Variants in SPTBN1 observed in about 807,000 individuals in gnomAD.
The protein encoded by SPTBN1 is spectrin beta chain, non-erythrocytic 1.
In SPTBN1, 32 loss-of-function variants were observed where a neutral mutation model predicts 266.4. That is an observed-to-expected ratio of 0.12 (90% CI 0.09 to 0.16). SPTBN1 has a LOEUF of 0.16. Among genes scored for constraint, SPTBN1 ranks in the 10% least tolerant of loss-of-function variants. SPTBN1 has a pLI of 1.00. For synonymous variants in SPTBN1, 1,336 were observed against 1,162.2 expected, an observed-to-expected ratio of 1.15 and a Z score of -3.04; for missense variants, 2,296 against 3,067.1, an observed-to-expected ratio of 0.75 and a Z score of 5.94.
chr2:54,634,685 A>G (rs891555854), intron 17 of SPTBN1, among the ~76,000 whole-genome samples: 2 of 152,200 alleles, frequency 1.3e-5, no homozygotes, highest in African/African-American at 4.8e-5. Context: ...AAACCTTCAG[A>G]TATAATCCCC....
Position 54,668,524 on chromosome 2 carries a change from G to A in SPTBN1, c.7050G>A (p.Glu2350=). The stretch of plus-strand genomic sequence containing the variant: ...CCGGCAAGCGGGAAAAGGACAAAGA[G>A]AAAGACAAAGAGAAGCGGTTCAGCC... ...SSPGKREKDK[E]KDKEKRFSLF... Residue 2350 remains glutamate (E), a synonymous_variant, in exon 36 of 36, where the codon GAG becomes GAA. Transcript: ENST00000356805. The A allele has an allele frequency of 1.9e-6, 3 of 1,614,102 alleles. No homozygotes were observed. The highest frequency in any genetic ancestry group is 2.2e-5 in the South Asian group (2 of 91,068).
At chr2:54,521,340 G>A (rs571435511) in intron 1 of SPTBN1, among the ~76,000 whole-genome samples, 3 of 152,298 alleles carry the variant, frequency 2.0e-5, no homozygotes, top group South Asian at 4.1e-4. Flanking sequence ...AGCGAGGGAT[G>A]TTTTGCCGTG....
chr2:54,594,944 C>T (rs1417601994), intron 2 of SPTBN1, among the ~76,000 whole-genome samples: 1 of 147,758 alleles, frequency 6.8e-6, no homozygotes, highest in Non-Finnish European at 1.5e-5. Context: ...AAGTGATTCT[C>T]CTGCCTCAGC....
At chr2:54,608,750 T>G (rs1284156005) in intron 3 of SPTBN1, among the ~76,000 whole-genome samples, 1 of 150,730 alleles carries the variant, frequency 6.6e-6, no homozygotes, top group Admixed American at 6.6e-5. Flanking sequence ...AAGCAGGGGG[T>G]TTAGGGGCAC....
chr2:54,615,257 G>C (rs552483335), intron 4 of SPTBN1, among the ~76,000 whole-genome samples: 1 of 152,174 alleles, frequency 6.6e-6, no homozygotes, highest in South Asian at 2.1e-4. Flanking sequence ...AAAGAATTCT[G>C]GGAAGTGTTT....
chr2:54,614,325 A>G (rs1001699142), intron 4 of SPTBN1, among the ~76,000 whole-genome samples: 1 of 152,174 alleles, frequency 6.6e-6, no homozygotes, highest in African/African-American at 2.4e-5. Flanking sequence ...CTGTGTACCT[A>G]CAACGGTCTC....
chr2:54,654,657 A>G (rs1016968226), intron 27 of SPTBN1, among the ~76,000 whole-genome samples: 2 of 152,148 alleles, frequency 1.3e-5, no homozygotes, highest in Non-Finnish European at 2.9e-5. Flanking sequence ...TGATATGGCC[A>G]TCCTGAATCT....
At chr2:54,598,337 G>T (rs747859695) in intron 2 of SPTBN1, among the ~76,000 whole-genome samples, 1 of 152,154 alleles carries the variant, frequency 6.6e-6, no homozygotes, top group Non-Finnish European at 1.5e-5. Context: ...TTTTATAGAA[G>T]AGAACATTGA....
At chr2:54,576,074 A>ATTTTTTTTTTTTTTTTTTT (rs1209132160) in intron 2 of SPTBN1, among the ~76,000 whole-genome samples, 1,623 of 93,756 alleles carry the variant, frequency 0.017, 346 homozygotes, top group African/African-American at 0.03. Context: ...TTTTTTTTTG[A>ATTTTTTTTTTTTTTTTTTT]GAGACAGTCT....
At position 54,630,940 on chromosome 2, in the gene SPTBN1, A is replaced by C. The variant is rs367974296; in HGVS notation, c.2893A>C (p.Asn965His). The part of the protein sequence containing the change: ...LSIQNYHLEC[N>H]ETKSWIREKT... The stretch of plus-strand genomic sequence containing the variant: ...CATCCAGAACTACCACCTCGAGTGC[A>C]ATGAAACCAAATCCTGGATTCGGGA... Residue 965 changes from asparagine to histidine, a missense_variant, in exon 16 of 36, where the codon AAT becomes CAT. Transcript: ENST00000356805. 3.1e-6 allele frequency: 5 copies of C among 1,613,990 alleles called. No homozygotes were observed. The African/African-American group carries it at 6.7e-5, about 22-fold the overall frequency.
Position 54,629,342 on chromosome 2 carries a change from G to A in SPTBN1, c.2208G>A (p.Arg736=), listed in dbSNP as rs199549662. The change falls in exon 14 of 36, where the codon CGG becomes CGA. Residue 736 remains arginine (R), a synonymous_variant. Coordinates refer to ENST00000356805, the MANE Select transcript of SPTBN1 (RefSeq NM_003128.3). ...WANLEQLSAI[R]KKRLEEASLL... is the part of the protein sequence containing the mutation. ...ACCTAGAGCAGCTCTCGGCCATTCG[G>A]AAGAAGCGCCTGGAGGAGGCCTCCC... 1 of 1,614,046 alleles carries A rather than the reference G, an allele frequency of 6.2e-7. No individual in the cohort carries two copies. Among genetic ancestry groups the A allele is most frequent in the African/African-American group, 1.3e-5 (1 of 75,060 alleles).
At chr2:54,618,830 T>C (rs1677809759) in intron 7 of SPTBN1, among the ~76,000 whole-genome samples, 1 of 152,042 alleles carries the variant, frequency 6.6e-6, no homozygotes, top group South Asian at 2.1e-4. Flanking sequence ...CATAGTCCTT[T>C]CTTACAGCTG....
intron 2 of SPTBN1, among the ~76,000 whole-genome samples, chr2:54,563,110 CTT>C (rs1383170200): frequency 2.0e-5 from 3 of 152,140 alleles, no homozygotes; most frequent in Non-Finnish European, 4.4e-5. Context: ...TGTTCTGTAA[CTT>C]TCTCCTTTCA....
chr2:54,517,792 C>T (rs1670199088), intron 1 of SPTBN1, among the ~76,000 whole-genome samples: 1 of 151,968 alleles, frequency 6.6e-6, no homozygotes, highest in East Asian at 1.9e-4. Context: ...ATTATAGGCG[C>T]CCGCCACCTC....
At position 54,653,772 on chromosome 2, in the gene SPTBN1, T is replaced by C. The variant is rs1249211600; in HGVS notation, c.5741T>C (p.Phe1914Ser). The C allele has an allele frequency of 6.2e-7, 1 of 1,614,102 alleles. No individual in the cohort carries two copies. Among genetic ancestry groups the C allele is most frequent in the Non-Finnish European group, 8.5e-7 (1 of 1,180,052 alleles). ...RVRLVDTGDKFRFFSMVRDLM... is the reference protein window; with the variant it reads ...RVRLVDTGDKSRFFSMVRDLM... Reference sequence around the variant, plus strand: ...CGGCTGGTGGACACAGGGGACAAGTTCCGCTTCTTCAGCATGGTGCGCGAC... The same window carrying C: ...CGGCTGGTGGACACAGGGGACAAGTCCCGCTTCTTCAGCATGGTGCGCGAC... The change falls in exon 27 of 36, where the codon TTC becomes TCC. Residue 1914 changes from phenylalanine to serine, a missense_variant. Coordinates refer to ENST00000356805, the MANE Select transcript of SPTBN1 (RefSeq NM_003128.3). This position sits in a 1 kb window ranked among gnomAD's most constrained non-coding sequence, Gnocchi z 5.1.
At position 54,668,628 on chromosome 2, in the gene SPTBN1, A is replaced by G. The variant is rs1374166319; in HGVS notation, c.*59A>G. ...CTTTTCAGTGAAATTCCAGCATGCA[A>G]GCTCAGAACCAACACATTACTCTCT... On this transcript the variant is annotated 3_prime_UTR_variant, in exon 36 of 36. Coordinates refer to ENST00000356805, the MANE Select transcript of SPTBN1 (RefSeq NM_003128.3). 2.7e-6 allele frequency: 4 copies of G among 1,489,022 alleles called. No individual in the cohort carries two copies. The highest frequency in any genetic ancestry group is 3.7e-6 in the Non-Finnish European group (4 of 1,093,892). 92.2% of individuals were successfully genotyped at this position (1,489,022 alleles called of 1,614,324 possible). A position where few individuals can be genotyped will look rare whatever the true frequency, so the allele number is the denominator to read the frequency against.
At chr2:54,467,784 T>G (rs1035014655) in intron 1 of SPTBN1, among the ~76,000 whole-genome samples, 1 of 152,154 alleles carries the variant, frequency 6.6e-6, no homozygotes, top group Non-Finnish European at 1.5e-5. Context: ...AAATTTCTGC[T>G]AATACACATA....
At chr2:54,487,986 C>T (rs1408773561) in intron 1 of SPTBN1, among the ~76,000 whole-genome samples, 1 of 151,856 alleles carries the variant, frequency 6.6e-6, no homozygotes, top group African/African-American at 2.4e-5. Flanking sequence ...CCTGCCACCA[C>T]ACCCGGCTAA....
At chr2:54,667,384 C>T (rs1456748742) in intron 34 of SPTBN1, among the ~76,000 whole-genome samples, 1 of 152,142 alleles carries the variant, frequency 6.6e-6, no homozygotes, top group African/African-American at 2.4e-5. Flanking sequence ...GAAGCACAGG[C>T]TCCCTGTGTG....
Sources: gnomAD v4.1 joint callset for allele counts (sites outside exome capture counted in the v4.1 genomes callset) on GRCh38, gnomAD v4.1.1 for gene constraint, Gnocchi (gnomAD v3.1) non-coding constraint, MANE v1.5 for transcripts, NCBI Gene and HGNC (gene_info 2026-07-23, HGNC 2026-07-21) for gene names.